Variants in ADK observed in about 807,000 individuals in gnomAD.
The protein encoded by ADK is adenosine kinase.
A neutral mutation model predicts 44.7 loss-of-function variants in ADK; 24 were observed. The observed-to-expected ratio is 0.54, with a 90% CI of 0.39 to 0.76. ADK has a LOEUF of 0.76. ADK is among the 30% of genes least tolerant of loss of function. The probability of loss-of-function intolerance (pLI) is 0.00; values close to 1 mark genes in which losing one functional copy is unlikely to be tolerated. For missense variants in ADK, 321 were observed against 425.1 expected (o/e 0.76, Z 2.15); for synonymous variants, 128 against 142.6 (o/e 0.90, Z 0.73).
At chr10:74,575,736 G>T (rs1487042321) in intron 7 of ADK, among the ~76,000 whole-genome samples, 1 of 152,150 alleles carries the variant, frequency 6.6e-6, no homozygotes, top group Non-Finnish European at 1.5e-5. Context: ...ACTTTTATCA[G>T]GAAGCAGTAG....
intron 9 of ADK, among the ~76,000 whole-genome samples, chr10:74,623,390 A>T (rs934003859): frequency 3.3e-5 from 5 of 152,166 alleles, no homozygotes; most frequent in African/African-American, 1.2e-4. Context: ...GTCAACACCA[A>T]TAGGCTTTAG....
At chr10:74,318,422 A>G (rs778028290) in intron 4 of ADK, among the ~76,000 whole-genome samples, 2 of 152,182 alleles carry the variant, frequency 1.3e-5, no homozygotes, top group African/African-American at 2.4e-5. Context: ...TTGGCCTCCC[A>G]AAGTGCGAGG....
chr10:74,612,818 G>C (rs1852605996), intron 9 of ADK, among the ~76,000 whole-genome samples: 1 of 152,040 alleles, frequency 6.6e-6, no homozygotes, highest in Non-Finnish European at 1.5e-5. Flanking sequence ...GTGAGAGGTA[G>C]GGGTCCAATT....
chr10:74,317,398 T>C (rs765549971), intron 4 of ADK, among the ~76,000 whole-genome samples: 2 of 152,230 alleles, frequency 1.3e-5, no homozygotes, highest in East Asian at 1.9e-4. Context: ...TTTAAAAAAT[T>C]TGTAGAAGCA....
At chr10:74,152,975 G>T (rs1001216017) in intron 1 of ADK, among the ~76,000 whole-genome samples, 1 of 152,138 alleles carries the variant, frequency 6.6e-6, no homozygotes, top group African/African-American at 2.4e-5. Context: ...TTTAGGATCG[G>T]CTATTATTAC....
intron 7 of ADK, among the ~76,000 whole-genome samples, chr10:74,545,476 G>A (rs1357518450): frequency 6.6e-6 from 1 of 152,170 alleles, no homozygotes; most frequent in Non-Finnish European, 1.5e-5. Flanking sequence ...AGTCCATGGT[G>A]TACAGAAAGA....
intron 1 of ADK, among the ~76,000 whole-genome samples, chr10:74,191,794 G>T (rs1319262252): frequency 6.6e-6 from 1 of 152,122 alleles, no homozygotes; most frequent in African/African-American, 2.4e-5. Flanking sequence ...TGTATATACT[G>T]TTTTTAATTG....
chr10:74,306,821 A>G (rs943280128), intron 3 of ADK, among the ~76,000 whole-genome samples: 3 of 152,242 alleles, frequency 2.0e-5, no homozygotes, highest in Admixed American at 6.5e-5. Flanking sequence ...ACAGTCCACC[A>G]GAATGAGGGT....
chr10:74,431,066 CAAAAAAAAAA>C (rs35141788), intron 6 of ADK, among the ~76,000 whole-genome samples: 8 of 57,240 alleles, frequency 1.4e-4, no homozygotes, highest in Non-Finnish European at 2.4e-4. Context: ...GACTCCGTCT[CAAAAAAAAAA>C]AAAAAAAAAA....
chr10:74,300,960 C>T (rs72818515), intron 3 of ADK, among the ~76,000 whole-genome samples: 1 of 151,558 alleles, frequency 6.6e-6, no homozygotes, highest in East Asian at 1.9e-4. Context: ...ACTGCAATCA[C>T]GGAGCTTCTA....
chr10:74,600,560 G>T, intron 9 of ADK, 67 bp downstream of exon 9: 1 of 920,464 alleles, frequency 1.1e-6, no homozygotes, highest in Non-Finnish European at 1.7e-6. Flanking sequence ...AAAAAATTCT[G>T]TATTCTTTCT....
chr10:74,342,902 A>G (rs750844003), intron 4 of ADK, among the ~76,000 whole-genome samples: 1 of 151,982 alleles, frequency 6.6e-6, no homozygotes, highest in Non-Finnish European at 1.5e-5. Flanking sequence ...TTTTCTATAA[A>G]CAAAACCATG....
intron 10 of ADK, among the ~76,000 whole-genome samples, chr10:74,679,861 G>A (rs1855537555): frequency 6.6e-6 from 1 of 152,050 alleles, no homozygotes; most frequent in Non-Finnish European, 1.5e-5. Context: ...CTCAGGCTGA[G>A]GCTGGAGAAT....
chr10:74,363,284 C>T (rs1842396637), intron 4 of ADK, among the ~76,000 whole-genome samples: 1 of 152,020 alleles, frequency 6.6e-6, no homozygotes, highest in Non-Finnish European at 1.5e-5. Flanking sequence ...GACTGTGCCC[C>T]CTTGGGATTT....
At chr10:74,673,399 C>T (rs946352369) in intron 10 of ADK, among the ~76,000 whole-genome samples, 1 of 152,216 alleles carries the variant, frequency 6.6e-6, no homozygotes, top group African/African-American at 2.4e-5. Flanking sequence ...TGTGTGGGCG[C>T]AGGAACTAGC....
intron 4 of ADK, among the ~76,000 whole-genome samples, chr10:74,384,336 CTA>C (rs770795483): frequency 5.8e-4 from 88 of 152,204 alleles, no homozygotes; most frequent in Non-Finnish European, 4.1e-4. Flanking sequence ...GGAATTAATT[CTA>C]TGATAGGAAT....
chr10:74,458,664 A>C (rs946417202), intron 6 of ADK, among the ~76,000 whole-genome samples: 1 of 151,798 alleles, frequency 6.6e-6, no homozygotes, highest in East Asian at 1.9e-4. Flanking sequence ...GTTTGATACA[A>C]ACCATTCTAT....
At chr10:74,390,022 T>C (rs1459324353) in intron 4 of ADK, among the ~76,000 whole-genome samples, 2 of 152,098 alleles carry the variant, frequency 1.3e-5, no homozygotes, top group Non-Finnish European at 2.9e-5. Flanking sequence ...GATGACAAAT[T>C]ATTTAAGTAA....
chr10:74,704,924 C>G (rs1207129721), intron 10 of ADK, among the ~76,000 whole-genome samples: 1 of 152,178 alleles, frequency 6.6e-6, no homozygotes, highest in East Asian at 1.9e-4. Flanking sequence ...TACCTGAAAA[C>G]TTGGTGATAA....
Sources: gnomAD v4.1 joint callset for allele counts (sites outside exome capture counted in the v4.1 genomes callset) on GRCh38, gnomAD v4.1.1 for gene constraint, MANE v1.5 for transcripts, NCBI Gene and HGNC (gene_info 2026-07-23, HGNC 2026-07-21) for gene names.